CALM2: variants seen among roughly 807,000 people sequenced by gnomAD.
CALM2 encodes the protein calmodulin-2.
CALM2 carries 2 observed loss-of-function variants against 19.8 expected under a neutral mutation model. The observed-to-expected ratio is 0.10, with a 90% CI of 0.04 to 0.32. The LOEUF (loss-of-function observed/expected upper bound fraction) is 0.32, where lower values mean the gene tolerates loss of function less well. Among genes scored for constraint, CALM2 ranks in the 10% least tolerant of loss-of-function variants. The pLI, the probability that CALM2 is intolerant of heterozygous loss-of-function variation, is 1.00. For synonymous variants in CALM2, 51 were observed against 52.1 expected (o/e 0.98, Z 0.09); for missense variants, 38 against 178.7 (o/e 0.21, Z 4.49).
At chr2:47,164,317 C>T (rs1407972606) in intron 2 of CALM2, among the ~76,000 whole-genome samples, 2 of 140,466 alleles carry the variant, frequency 1.4e-5, no homozygotes, top group Non-Finnish European at 3.1e-5. Flanking sequence ...GGTGTGGCGG[C>T]GTGTGCCTGT....
chr2:47,172,814 G>GC (rs1666718911), intron 1 of CALM2: 1 of 82,058 alleles, frequency 1.2e-5, no homozygotes, highest in East Asian at 4.3e-4. Context: ...GGTTGGGGGG[G>GC]GGGGGGGGGT....
At chr2:47,173,164 A>C (rs1666732055) in intron 1 of CALM2, 1 of 152,180 alleles carries the variant, frequency 6.6e-6, no homozygotes, top group Non-Finnish European at 1.5e-5. Flanking sequence ...ATCCAGATTA[A>C]AGCCTACTAT....
chr2:47,163,415 ATAGTATG>A (rs1464581361), intron 2 of CALM2: 4 of 151,796 alleles, frequency 2.6e-5, no homozygotes, highest in Non-Finnish European at 5.9e-5. Flanking sequence ...TCTTGTTGTG[ATAGTATG>A]TTCCTTCCTG....
chr2:47,163,223 A>C (rs1687209954), intron 2 of CALM2: 2 of 152,642 alleles, frequency 1.3e-5, no homozygotes, highest in African/African-American at 4.8e-5. Flanking sequence ...AAAACAGGCT[A>C]CTTTCCCTTT....
chr2:47,176,603 C>T (rs930401326), upstream of CALM2: 26 of 1,530,774 alleles, frequency 1.7e-5, no homozygotes, highest in Admixed American at 5.0e-4. Context: ...GCAAACGAGT[C>T]CCGGCCAACC....
At position 47,162,668 on chromosome 2, in the gene CALM2, TGAAA is replaced by T. The variant is rs757274055; in HGVS notation, c.35-10_35-7del. Reference sequence around the variant, plus strand: ...TGAAAAAGCTTCTTTGAATTCTGTTTGAAAGAAAGACCACAATCCAAATACACAG... The same window carrying T: ...TGAAAAAGCTTCTTTGAATTCTGTTTGAAAGACCACAATCCAAATACACAG... On this transcript the variant is annotated splice_polypyrimidine_tract_variant and splice_region_variant and intron_variant, in intron 2 of 5. Transcript: ENST00000272298. The T allele has an allele frequency of 2.6e-5, 42 of 1,587,170 alleles. No homozygotes were observed. The African/African-American group carries it at 2.9e-4, about 11-fold the overall frequency.
chr2:47,169,104 G>A (rs1224616733), intron 2 of CALM2, among the ~76,000 whole-genome samples: 1 of 152,166 alleles, frequency 6.6e-6, no homozygotes, highest in Non-Finnish European at 1.5e-5. Flanking sequence ...AGTTGTTTAA[G>A]AGAGCAGACC....
At chr2:47,176,846 T>A, upstream of CALM2, 1 of 985,436 alleles carries the variant, frequency 1.0e-6, no homozygotes, top group Non-Finnish European at 1.2e-6. Context: ...GGCTGGTTTG[T>A]ACCTGCAATG....
At chr2:47,167,518 A>AC in intron 2 of CALM2, 1 of 185,642 alleles carries the variant, frequency 5.4e-6, no homozygotes, top group Non-Finnish European at 1.2e-5. Context: ...ACATGGTGAA[A>AC]CCCCATCTCT....
chr2:47,174,024 C>T (rs1666763914), intron 1 of CALM2: 3 of 152,168 alleles, frequency 2.0e-5, no homozygotes, highest in Non-Finnish European at 4.4e-5. Context: ...ATCTTCTGAG[C>T]CTAACAGAAA....
intron 1 of CALM2, chr2:47,170,999 T>C: frequency 4.4e-6 from 2 of 456,264 alleles, no homozygotes; most frequent in Non-Finnish European, 7.9e-6. Flanking sequence ...AAATATACTT[T>C]AGAATCCAAT....
chr2:47,172,306 G>C, intron 1 of CALM2: 1 of 374,400 alleles, frequency 2.7e-6, no homozygotes, highest in Non-Finnish European at 5.4e-6. Flanking sequence ...CAAGTTCTGA[G>C]TCACAGGCCA....
Position 47,176,473 on chromosome 2 carries a change from G to C in CALM2, c.-30C>G, listed in dbSNP as rs200169692. The stretch of plus-strand genomic sequence containing the variant: ...CAAGCGCTACCGGTTTCCGAGACGC[G>C]ACCACACAACCACTCAGCTCGCTCT... On this transcript the variant is annotated 5_prime_UTR_variant, in exon 1 of 6. Transcript: ENST00000272298. 3.1e-6 allele frequency: 5 copies of C among 1,613,434 alleles called. No homozygotes were observed. The highest frequency in any genetic ancestry group is 2.2e-5 in the South Asian group (2 of 90,992).
intron 1 of CALM2, chr2:47,172,507 C>G: frequency 2.5e-6 from 3 of 1,216,004 alleles, no homozygotes; most frequent in Non-Finnish European, 3.3e-6. Flanking sequence ...TAACAAAGAA[C>G]CTACAATGTT....
At chr2:47,170,958 A>C in intron 1 of CALM2, 194 bp from the exon 2 acceptor site, 1 of 567,258 alleles carries the variant, frequency 1.8e-6, no homozygotes. Flanking sequence ...CTCCAAGTTT[A>C]AGATATACAA....
intron 2 of CALM2, among the ~76,000 whole-genome samples, chr2:47,168,042 G>A (rs1219192308): frequency 1.3e-5 from 2 of 152,058 alleles, no homozygotes; most frequent in East Asian, 3.9e-4. Flanking sequence ...GAAATCTTAG[G>A]ATAGTAGTGC....
chr2:47,164,922 C>T (rs1471976332), intron 2 of CALM2, among the ~76,000 whole-genome samples: 5 of 152,222 alleles, frequency 3.3e-5, no homozygotes, highest in African/African-American at 9.6e-5. Flanking sequence ...ATTACCTCTT[C>T]CCTGGACTCA....
intron 1 of CALM2, chr2:47,174,348 C>T (rs1347664806): frequency 6.6e-6 from 1 of 152,042 alleles, no homozygotes; most frequent in Non-Finnish European, 1.5e-5. Flanking sequence ...AACTCCCGGG[C>T]CCAAGATGAT....
chr2:47,176,522 C>A, upstream of CALM2: 1 of 1,596,328 alleles, frequency 6.3e-7, no homozygotes. Flanking sequence ...AATTCGCCTC[C>A]TCCGCCCCCA....
Sources: allele counts gnomAD v4.1 joint callset (sites outside exome capture counted in the v4.1 genomes callset), GRCh38; gene constraint gnomAD v4.1.1; transcripts MANE v1.5; gene names NCBI Gene and HGNC (gene_info 2026-07-23, HGNC 2026-07-21).